CNTN5: variants seen among roughly 807,000 people sequenced by gnomAD.
CNTN5 encodes the protein contactin-5.
Under a neutral mutation model 129.1 loss-of-function variants are expected in CNTN5, and 77 were observed. The ratio of observed to expected loss-of-function variants is 0.60; its 90% CI spans 0.50 to 0.72. The LOEUF (loss-of-function observed/expected upper bound fraction) is 0.72, where lower values mean the gene tolerates loss of function less well. Ranked by LOEUF, CNTN5 falls within the 30% of genes least tolerant of loss-of-function variation. The pLI is 0.00. For synonymous variants in CNTN5, 509 were observed against 465.6 expected, an observed-to-expected ratio of 1.09 and a Z score of -1.20; for missense variants, 1,478 against 1,328.8, an observed-to-expected ratio of 1.11 and a Z score of -1.75.
intron 2 of CNTN5, among the ~76,000 whole-genome samples, chr11:99,421,948 G>A (rs1942906608): frequency 6.6e-6 from 1 of 152,054 alleles, no homozygotes; most frequent in African/African-American, 2.4e-5. Flanking sequence ...GTCAAATTTT[G>A]TGGTAATGTC....
At chr11:99,025,529 A>T (rs527513677) in intron 1 of CNTN5, among the ~76,000 whole-genome samples, 72 of 151,956 alleles carry the variant, frequency 4.7e-4, no homozygotes, top group African/African-American at 1.7e-3. Flanking sequence ...GCATATGTTT[A>T]GGAAGAGAAA....
At chr11:100,243,717 T>C (rs972785188) in intron 16 of CNTN5, among the ~76,000 whole-genome samples, 3 of 152,140 alleles carry the variant, frequency 2.0e-5, no homozygotes, top group African/African-American at 7.2e-5. Context: ...ACCAATAAAA[T>C]TGTGTTTTTC....
intron 1 of CNTN5, among the ~76,000 whole-genome samples, chr11:99,102,792 C>G (rs1866802673): frequency 6.6e-6 from 1 of 152,162 alleles, no homozygotes; most frequent in African/African-American, 2.4e-5. Flanking sequence ...CTGTTCCAAC[C>G]TCTGCCTGTT....
At chr11:100,045,154 G>A (rs1363016) in intron 9 of CNTN5, among the ~76,000 whole-genome samples, 13,868 of 151,472 alleles carry the variant, frequency 0.092, 816 homozygotes, top group East Asian at 0.18. Context: ...CCTTTCTCTA[G>A]GTGATTGTAC....
chr11:99,291,199 TA>T (rs1864156874), intron 1 of CNTN5, among the ~76,000 whole-genome samples: 1 of 151,972 alleles, frequency 6.6e-6, no homozygotes, highest in Non-Finnish European at 1.5e-5. Context: ...CATATTTGGA[TA>T]AATACACTGC....
At chr11:99,476,224 T>A (rs1462734096) in intron 2 of CNTN5, among the ~76,000 whole-genome samples, 1 of 152,094 alleles carries the variant, frequency 6.6e-6, no homozygotes, top group Non-Finnish European at 1.5e-5. Context: ...ATAAGATAAT[T>A]ATCACTTGAG....
At chr11:100,061,597 G>A (rs1015155057) in intron 10 of CNTN5, among the ~76,000 whole-genome samples, 1 of 152,010 alleles carries the variant, frequency 6.6e-6, no homozygotes, top group Non-Finnish European at 1.5e-5. Flanking sequence ...GGGAATTATC[G>A]GTGTCTTTGT....
intron 24 of CNTN5, 143 bp from the exon 25 acceptor site, chr11:100,355,974 T>C: frequency 1.6e-6 from 1 of 617,912 alleles, no homozygotes; most frequent in Non-Finnish European, 2.9e-6. Flanking sequence ...TCAGATAATG[T>C]CTGATTTTAT....
intron 6 of CNTN5, among the ~76,000 whole-genome samples, chr11:99,913,171 A>G (rs1949705524): frequency 6.6e-6 from 1 of 152,032 alleles, no homozygotes; most frequent in East Asian, 1.9e-4. Context: ...AATACCTCCA[A>G]AGAAATTAAC....
chr11:99,874,555 C>T (rs1005759808), intron 6 of CNTN5, among the ~76,000 whole-genome samples: 1 of 152,136 alleles, frequency 6.6e-6, no homozygotes, highest in African/African-American at 2.4e-5. Flanking sequence ...TCCATTAACA[C>T]ATTAGGTTTG....
intron 3 of CNTN5, among the ~76,000 whole-genome samples, chr11:99,784,146 T>G (rs1195158079): frequency 6.6e-6 from 1 of 152,010 alleles, no homozygotes; most frequent in Non-Finnish European, 1.5e-5. Context: ...TTCAGAACTT[T>G]TTACTATTAT....
At chr11:99,239,278 T>A (rs1861425414) in intron 1 of CNTN5, among the ~76,000 whole-genome samples, 1 of 152,150 alleles carries the variant, frequency 6.6e-6, no homozygotes, top group Non-Finnish European at 1.5e-5. Context: ...TTAGCCAAGT[T>A]TAATTATCAA....
chr11:99,792,081 GTTT>G (rs1945764196), intron 3 of CNTN5, among the ~76,000 whole-genome samples: 1 of 151,902 alleles, frequency 6.6e-6, no homozygotes, highest in South Asian at 2.1e-4. Context: ...GTCAGGATGC[GTTT>G]TTTATTTTTT....
In CNTN5 at chr11:99,870,113, C is replaced by T. The variant is rs1390378216; in HGVS notation, c.577+24851C>T. 2.6e-5 allele frequency among the ~76,000 whole-genome samples: 4 copies of T among 152,092 alleles called. No individual in the cohort carries two copies. In the East Asian group the frequency reaches 5.8e-4, roughly 22 times the overall value. On this transcript the variant is annotated intron_variant, in intron 6 of 24. Transcript: ENST00000524871. ...AATGTGTTGTGATTGAGGATATATG[C>T]TGTGCCTATATTTGGAAAGAGGAAA... is the stretch of plus-strand genomic sequence containing the variant.
intron 2 of CNTN5, among the ~76,000 whole-genome samples, chr11:99,376,675 G>T (rs1177233098): frequency 2.6e-5 from 4 of 152,092 alleles, no homozygotes; most frequent in Non-Finnish European, 5.9e-5. Context: ...ACAGTAAATA[G>T]ACTTTACCCC....
At chr11:100,273,578 C>G (rs115265516) in intron 18 of CNTN5, among the ~76,000 whole-genome samples, 1,725 of 152,200 alleles carry the variant, frequency 0.011, 36 homozygotes, top group African/African-American at 0.039. Flanking sequence ...GGCACCCAGA[C>G]CTGCACCTGT....
At chr11:99,843,694 G>A (rs1947588517) in intron 4 of CNTN5, among the ~76,000 whole-genome samples, 1 of 152,056 alleles carries the variant, frequency 6.6e-6, no homozygotes, top group Admixed American at 6.6e-5. Context: ...GATGCTACTG[G>A]AATCTAGTGG....
At chr11:100,064,959 T>C (rs755578040) in intron 10 of CNTN5, among the ~76,000 whole-genome samples, 17 of 152,264 alleles carry the variant, frequency 1.1e-4, no homozygotes, top group Non-Finnish European at 2.1e-4. Context: ...TATATAAAGA[T>C]GTGTGATCTG....
At chr11:99,547,283 C>A (rs1002309909) in intron 2 of CNTN5, among the ~76,000 whole-genome samples, 2 of 152,092 alleles carry the variant, frequency 1.3e-5, no homozygotes, top group Admixed American at 6.5e-5. Flanking sequence ...GGATTACAGG[C>A]GTGAGCCACC....
Sources: gnomAD v4.1 joint callset for allele counts (sites outside exome capture counted in the v4.1 genomes callset) on GRCh38, gnomAD v4.1.1 for gene constraint, MANE v1.5 for transcripts, NCBI Gene and HGNC (gene_info 2026-07-23, HGNC 2026-07-21) for gene names.